STXBP4: variants seen among roughly 807,000 people sequenced by gnomAD.
The protein encoded by STXBP4 is syntaxin binding protein 4.
STXBP4 carries 55 observed loss-of-function variants against 76.1 expected under a neutral mutation model. That is an observed-to-expected ratio of 0.72 (90% CI 0.58 to 0.91). STXBP4 has a LOEUF of 0.91. STXBP4 is among the 40% of genes least tolerant of loss of function. STXBP4 has a pLI of 0.00. For synonymous variants in STXBP4, 201 were observed against 220.2 expected (o/e 0.91, Z 0.77); for missense variants, 618 against 636.9 (o/e 0.97, Z 0.32).
At chr17:55,014,293 C>T (rs944648013) in intron 8 of STXBP4, among the ~76,000 whole-genome samples, 3 of 151,984 alleles carry the variant, frequency 2.0e-5, no homozygotes, top group East Asian at 1.9e-4. Context: ...TCCTCAAGCA[C>T]GGGACAACAA....
chr17:55,027,858 G>C (rs979522473), intron 8 of STXBP4, among the ~76,000 whole-genome samples: 1 of 152,108 alleles, frequency 6.6e-6, no homozygotes, highest in Admixed American at 6.5e-5. Context: ...AGTATTCACA[G>C]TTTTATGCTG....
rs546691252 is a variant in STXBP4, at chr17:55,078,195, G to A, written c.1305+1G>A. The A allele has an allele frequency of 6.3e-7, 1 of 1,596,266 alleles. No homozygotes were observed. The highest frequency in any genetic ancestry group is 1.3e-5 in the African/African-American group (1 of 74,090). On this transcript the variant is annotated splice_donor_variant, in intron 14 of 17. Transcript: ENST00000376352. LOFTEE classifies it high-confidence loss of function. ...TGAAAAGCTTCTTCATTTTGTAGAG[G>A]TAAGTTTTTCTGTTCTATTACATTC...
At chr17:55,094,326 A>G (rs1215855677) in intron 16 of STXBP4, among the ~76,000 whole-genome samples, 1 of 152,124 alleles carries the variant, frequency 6.6e-6, no homozygotes, top group Non-Finnish European at 1.5e-5. Flanking sequence ...GGAAGGCACA[A>G]GGAGTAACAT....
At chr17:55,150,485 C>T (rs900156547) in intron 17 of STXBP4, among the ~76,000 whole-genome samples, 5 of 152,178 alleles carry the variant, frequency 3.3e-5, no homozygotes, top group African/African-American at 4.8e-5. Context: ...AATACAGCCA[C>T]GCTGGGGTTT....
rs144150265 is a variant in STXBP4, at chr17:55,090,479, G to A, written c.1489+9296G>A. ...GTACATTTCACCCAGAGGTTTGAGA[G>A]GGTAATTCCAACAACAATTTGGTCA... is the stretch of plus-strand genomic sequence containing the variant. On this transcript the variant is annotated intron_variant, in intron 16 of 17. Transcript: ENST00000376352. Among the ~76,000 whole-genome samples the A allele has an allele frequency of 3.3e-3, 504 of 152,158 alleles. 2 individuals are homozygous for A. Among genetic ancestry groups the A allele is most frequent in the African/African-American group, 0.011 (469 of 41,500 alleles).
rs547861902 is a variant in STXBP4 at position 55,130,766 on chromosome 17, A to G, written c.1490-10544A>G. Among the ~76,000 whole-genome samples, 3 of 152,300 alleles carry G rather than the reference A, an allele frequency of 2.0e-5. No homozygotes were observed. The East Asian group carries it at 5.8e-4, about 29-fold the overall frequency. On this transcript the variant is annotated intron_variant, in intron 16 of 17. Coordinates refer to ENST00000376352, the MANE Select transcript of STXBP4 (RefSeq NM_178509.6). ...TAGGTTTCACGTATAAGTAGAGGTC[A>G]TGTCACAGTTGTCTTTCTGTGCCTG... is the stretch of plus-strand genomic sequence containing the variant.
intron 1 of STXBP4, among the ~76,000 whole-genome samples, chr17:54,984,545 G>C (rs1372199655): frequency 6.6e-6 from 1 of 151,488 alleles, no homozygotes; most frequent in Non-Finnish European, 1.5e-5. Context: ...AGATTTCACC[G>C]TGTTAGCCAG....
At chr17:55,072,736 C>T in intron 12 of STXBP4, among the ~76,000 whole-genome samples, 164 bp from the exon 13 acceptor site, 1 of 152,068 alleles carries the variant, frequency 6.6e-6, no homozygotes, top group East Asian at 1.9e-4. Context: ...AACTACCTCA[C>T]ATAATAAAAT....
rs553418795 is a variant in STXBP4, at chr17:55,071,257, C to CT, written c.1012-1641dup. On this transcript the variant is annotated intron_variant, in intron 12 of 17. Transcript: ENST00000376352. ...TCTTACCCTGAGTAAAACCAAAGTCCTTGCAACGGCCTACAAATTCTCTTA... is the reference window on the plus strand; with the variant it reads ...TCTTACCCTGAGTAAAACCAAAGTCCTTTGCAACGGCCTACAAATTCTCTTA... 1.4e-3 allele frequency among the ~76,000 whole-genome samples: 215 copies of CT among 152,264 alleles called. 1 individual carries two copies. Among genetic ancestry groups the CT allele is most frequent in the African/African-American group, 5.0e-3 (206 of 41,564 alleles).
At chr17:55,035,267 A>G (rs1296059750) in intron 10 of STXBP4, among the ~76,000 whole-genome samples, 1 of 151,934 alleles carries the variant, frequency 6.6e-6, no homozygotes, top group African/African-American at 2.4e-5. Context: ...ATAATTGGAT[A>G]TATAAATACA....
chr17:55,051,152 C>G (rs1246697245), intron 12 of STXBP4, among the ~76,000 whole-genome samples: 1 of 152,066 alleles, frequency 6.6e-6, no homozygotes, highest in Non-Finnish European at 1.5e-5. Flanking sequence ...TGACACTTCT[C>G]TAAGAATACC....
rs182954125 is a variant in STXBP4 at position 55,167,995 on chromosome 17, C to A, written c.*8084C>A. On this transcript the variant is annotated 3_prime_UTR_variant, in exon 18 of 18. Coordinates refer to ENST00000376352, the MANE Select transcript of STXBP4 (RefSeq NM_178509.6). Reference sequence around the variant, plus strand: ...AGATGTTTATGAGCAGATTCTATTTCTTTAGGCAGTTTTATCATTCAGAGA... The same window carrying A: ...AGATGTTTATGAGCAGATTCTATTTATTTAGGCAGTTTTATCATTCAGAGA... The A allele has an allele frequency of 1.3e-5, 2 of 152,044 alleles. No individual in the cohort carries two copies. The highest frequency in any genetic ancestry group is 1.3e-4 in the Admixed American group (2 of 15,228). The allele number at this position is 152,044 out of a possible 1,614,324, so 9.4% of individuals were successfully genotyped here. A position where few individuals can be genotyped will look rare whatever the true frequency, so the allele number is the denominator to read the frequency against.
At chr17:55,037,816 G>T (rs886190746) in intron 10 of STXBP4, among the ~76,000 whole-genome samples, 1 of 152,002 alleles carries the variant, frequency 6.6e-6, no homozygotes, top group Non-Finnish European at 1.5e-5. Context: ...TAAAACTTTG[G>T]TTTCACGATT....
At chr17:55,025,931 C>T (rs908372418) in intron 8 of STXBP4, among the ~76,000 whole-genome samples, 2 of 152,028 alleles carry the variant, frequency 1.3e-5, no homozygotes, top group African/African-American at 4.8e-5. Flanking sequence ...ATGAGTTCAG[C>T]AAGTTTACAG....
chr17:55,034,821 G>A (rs890308115), intron 10 of STXBP4, among the ~76,000 whole-genome samples: 1 of 151,942 alleles, frequency 6.6e-6, no homozygotes, highest in Admixed American at 6.6e-5. Context: ...GATTGGTTTT[G>A]CCTCTTTTTG....
intron 16 of STXBP4, among the ~76,000 whole-genome samples, chr17:55,125,479 CAAAAAAAAAAA>C (rs10632680): frequency 2.5e-4 from 23 of 91,766 alleles, no homozygotes; most frequent in African/African-American, 6.9e-4. Flanking sequence ...GGACAAAATA[CAAAAAAAAAAA>C]AAAAAAAAAA....
At chr17:54,994,666 C>A (rs1280827243) in intron 4 of STXBP4, among the ~76,000 whole-genome samples, 1 of 152,124 alleles carries the variant, frequency 6.6e-6, no homozygotes. Context: ...TACCTATTTC[C>A]CTCCCAACCT....
At chr17:55,159,064 G>A (rs556608076) in intron 17 of STXBP4, among the ~76,000 whole-genome samples, 1 of 152,234 alleles carries the variant, frequency 6.6e-6, no homozygotes, top group Admixed American at 6.5e-5. Flanking sequence ...GGCCAACATG[G>A]TGAAACCCTA....
At chr17:55,077,909 C>T (rs1301944377) in intron 13 of STXBP4, among the ~76,000 whole-genome samples, 169 bp from the exon 14 acceptor site, 1 of 152,064 alleles carries the variant, frequency 6.6e-6, no homozygotes, top group Non-Finnish European at 1.5e-5. Flanking sequence ...TGCAAATTAA[C>T]TTTTAAATAT....
Sources: gnomAD v4.1 joint callset for allele counts (sites outside exome capture counted in the v4.1 genomes callset) on GRCh38, gnomAD v4.1.1 for gene constraint, MANE v1.5 for transcripts, NCBI Gene and HGNC (gene_info 2026-07-23, HGNC 2026-07-21) for gene names.